PAPPA2: variants seen among roughly 807,000 people sequenced by gnomAD.
PAPPA2 encodes pappalysin 2, also known as pappalysin-2.
A neutral mutation model predicts 176.4 loss-of-function variants in PAPPA2; 86 were observed. That is an observed-to-expected ratio of 0.49 (90% confidence interval 0.41 to 0.58). The LOEUF (loss-of-function observed/expected upper bound fraction) is 0.58. Among genes scored for constraint, PAPPA2 ranks in the 20% least tolerant of loss-of-function variants. The pLI is 0.00. For synonymous variants in PAPPA2, 809 were observed against 852.2 expected, an observed-to-expected ratio of 0.95 and a Z score of 0.88; for missense variants, 2,073 against 2,256.9, an observed-to-expected ratio of 0.92 and a Z score of 1.65.
chr1:176,488,093 T>C (rs1652726043), intron 1 of PAPPA2, among the ~76,000 whole-genome samples: 1 of 152,208 alleles, frequency 6.6e-6, no homozygotes, highest in African/African-American at 2.4e-5. Context: ...ATATTGTTGT[T>C]TCTCTAGCTG....
chr1:176,587,012 G>A (rs1420821840), intron 2 of PAPPA2, among the ~76,000 whole-genome samples: 2 of 152,084 alleles, frequency 1.3e-5, no homozygotes, highest in African/African-American at 2.4e-5. Context: ...GTGTCTCATT[G>A]TGGTTTTGAT....
chr1:176,641,322 G>C (rs1167501819), intron 3 of PAPPA2, among the ~76,000 whole-genome samples: 1 of 151,972 alleles, frequency 6.6e-6, no homozygotes, highest in African/African-American at 2.4e-5. Context: ...TATGGTTTTA[G>C]GTCTAATATT....
chr1:176,670,911 G>C, intron 3 of PAPPA2, 59 bp from the exon 4 acceptor site: 1 of 1,602,478 alleles, frequency 6.2e-7, no homozygotes, highest in South Asian at 1.1e-5. Context: ...GTCTGGCTCT[G>C]CTATTCTCTA....
intron 3 of PAPPA2, among the ~76,000 whole-genome samples, chr1:176,600,182 A>G (rs1434308699): frequency 6.6e-6 from 1 of 152,206 alleles, no homozygotes; most frequent in Non-Finnish European, 1.5e-5. Context: ...TTTTATCTGA[A>G]TTCTCTGGGT....
Position 176,634,841 on chromosome 1 carries a change from GATAGATAC to G in PAPPA2, c.1992-36105_1992-36098del, listed in dbSNP as rs757081116. Among the ~76,000 whole-genome samples the G allele has an allele frequency of 5.9e-3, 686 of 115,960 alleles. 2 individuals carry two copies. Among genetic ancestry groups the G allele is most frequent in the Middle Eastern group, 0.038 (8 of 212 alleles). The allele number at this position is 115,960 out of a possible 152,430, so 76.1% of individuals were successfully genotyped here. On this transcript the variant is annotated intron_variant, in intron 3 of 22. Transcript: ENST00000367662. ...AGATAGATAGATAGATAGATAGATA[GATAGATAC>G]ATAGATACATAGATACATAGATAGA...
intron 1 of PAPPA2, among the ~76,000 whole-genome samples, chr1:176,474,910 A>C (rs1652043504): frequency 6.6e-6 from 1 of 152,214 alleles, no homozygotes; most frequent in South Asian, 2.1e-4. Context: ...GTTGATAAGT[A>C]GGAAAAACAA....
intron 12 of PAPPA2, among the ~76,000 whole-genome samples, chr1:176,737,430 C>T (rs1662470623): frequency 2.0e-5 from 3 of 152,028 alleles, no homozygotes; most frequent in African/African-American, 4.8e-5. Context: ...TATGAGGGTT[C>T]ACACTTTCTT....
At chr1:176,601,717 A>G (rs1389453277) in intron 3 of PAPPA2, among the ~76,000 whole-genome samples, 6 of 152,218 alleles carry the variant, frequency 3.9e-5, no homozygotes, top group Non-Finnish European at 7.3e-5. Context: ...CACAAATGTC[A>G]TTGACTATTC....
intron 1 of PAPPA2, among the ~76,000 whole-genome samples, chr1:176,513,838 T>C (rs1182981512): frequency 6.6e-6 from 1 of 152,114 alleles, no homozygotes; most frequent in Non-Finnish European, 1.5e-5. Context: ...GAAAATGCAT[T>C]TTAGGTATCT....
intron 17 of PAPPA2, among the ~76,000 whole-genome samples, chr1:176,788,042 A>G (rs1437480710): frequency 1.3e-5 from 2 of 152,206 alleles, no homozygotes; most frequent in Non-Finnish European, 2.9e-5. Context: ...CCTAGGCAAC[A>G]AGAGTGAAAT....
chr1:176,542,625 TC>T (rs1650422391), intron 1 of PAPPA2, among the ~76,000 whole-genome samples: 1 of 152,100 alleles, frequency 6.6e-6, no homozygotes, highest in Non-Finnish European at 1.5e-5. Context: ...AGCTTGAACT[TC>T]CCCCTGGCCC....
chr1:176,780,399 A>G (rs1356968068), intron 17 of PAPPA2, among the ~76,000 whole-genome samples: 2 of 152,142 alleles, frequency 1.3e-5, no homozygotes, highest in African/African-American at 4.8e-5. Context: ...GACTTCCCTC[A>G]GGCTCTTCCC....
chr1:176,478,722 C>T (rs2102475466), intron 1 of PAPPA2, among the ~76,000 whole-genome samples: 2 of 152,336 alleles, frequency 1.3e-5, no homozygotes, highest in Middle Eastern at 6.8e-3. Flanking sequence ...CAGTCCTCTC[C>T]TTTGAACCCA....
chr1:176,768,317 A>G (rs369862459), intron 15 of PAPPA2, among the ~76,000 whole-genome samples: 1 of 151,876 alleles, frequency 6.6e-6, no homozygotes, highest in South Asian at 2.1e-4. Context: ...CTTCTCCTAC[A>G]TGCTCTCCTC....
At chr1:176,613,220 T>C (rs934367128) in intron 3 of PAPPA2, among the ~76,000 whole-genome samples, 2 of 152,150 alleles carry the variant, frequency 1.3e-5, no homozygotes, top group African/African-American at 4.8e-5. Flanking sequence ...TCACAAGTCA[T>C]TGTGGAAAAA....
intron 3 of PAPPA2, among the ~76,000 whole-genome samples, chr1:176,628,326 T>A (rs552724378): frequency 6.6e-6 from 1 of 152,308 alleles, no homozygotes; most frequent in Admixed American, 6.5e-5. Context: ...TTCAGAGCTA[T>A]GTTTAGACTG....
chr1:176,693,517 C>T (rs942041438), intron 6 of PAPPA2, among the ~76,000 whole-genome samples: 2 of 152,196 alleles, frequency 1.3e-5, no homozygotes, highest in African/African-American at 2.4e-5. Flanking sequence ...AGAAGGGTGT[C>T]GCTGGAGCAA....
chr1:176,564,848 A>G (rs190640149), intron 2 of PAPPA2, among the ~76,000 whole-genome samples: 2 of 151,004 alleles, frequency 1.3e-5, no homozygotes, highest in South Asian at 2.1e-4. Flanking sequence ...TATCTCAATT[A>G]TCTCAATCAA....
intron 4 of PAPPA2, among the ~76,000 whole-genome samples, chr1:176,680,932 A>G (rs948703893): frequency 7.2e-5 from 11 of 152,176 alleles, no homozygotes; most frequent in Admixed American, 6.5e-4. Flanking sequence ...GGAGATGGGG[A>G]AAAGAGGAGT....
Sources: gnomAD v4.1 joint callset for allele counts (sites outside exome capture counted in the v4.1 genomes callset) on GRCh38, gnomAD v4.1.1 for gene constraint, MANE v1.5 for transcripts, NCBI Gene and HGNC (gene_info 2026-07-23, HGNC 2026-07-21) for gene names.